Variants in TRAPPC9 observed in about 807,000 individuals in gnomAD.
The protein encoded by TRAPPC9 is IKK2 binding protein.
Under a neutral mutation model 124.0 loss-of-function variants are expected in TRAPPC9, and 83 were observed. The observed-to-expected ratio is 0.67, with a 90% CI of 0.56 to 0.80. The LOEUF (loss-of-function observed/expected upper bound fraction) is 0.80, where lower values mean the gene tolerates loss of function less well. Ranked by LOEUF, TRAPPC9 falls within the 30% of genes least tolerant of loss-of-function variation. TRAPPC9 has a pLI of 0.00. For missense variants in TRAPPC9, 1,302 were observed against 1,508.3 expected (o/e 0.86, Z 2.27); for synonymous variants, 638 against 617.5 (o/e 1.03, Z -0.49).
At chr8:139,857,807 A>C (rs555384393) in intron 21 of TRAPPC9, among the ~76,000 whole-genome samples, 5 of 152,342 alleles carry the variant, frequency 3.3e-5, no homozygotes, top group Admixed American at 1.3e-4. Flanking sequence ...AACTAGCCCC[A>C]AAAAAGGTGC....
At chr8:140,406,526 C>T (rs181064279) in intron 5 of TRAPPC9, among the ~76,000 whole-genome samples, 1 of 152,304 alleles carries the variant, frequency 6.6e-6, no homozygotes, top group Admixed American at 6.5e-5. Context: ...TGCCCTCATC[C>T]CCTGTGCAGC....
intron 19 of TRAPPC9, among the ~76,000 whole-genome samples, chr8:139,949,985 C>A (rs770730083): frequency 6.6e-6 from 1 of 152,174 alleles, no homozygotes; most frequent in Non-Finnish European, 1.5e-5. Flanking sequence ...AATAACTCTG[C>A]CCCACCTTCA....
Position 140,104,464 on chromosome 8 carries a change from G to C in TRAPPC9, c.2557-80385C>G, listed in dbSNP as rs907244684. On this transcript the variant is annotated intron_variant, in intron 17 of 22. Coordinates refer to ENST00000438773, the MANE Select transcript of TRAPPC9 (RefSeq NM_001160372.4). This position sits in a 1 kb window ranked among gnomAD's most constrained non-coding sequence, Gnocchi z 4.0. ...GCCCGTGCGATAGTTGGATATCTAA[G>C]TGGGCACTCATGATCTTAGACAAAT... Among the ~76,000 whole-genome samples, 1 of 152,182 alleles carries C rather than the reference G, an allele frequency of 6.6e-6. No individual in the cohort carries two copies. Among genetic ancestry groups the C allele is most frequent in the East Asian group, 1.9e-4 (1 of 5,200 alleles).
At chr8:140,455,115 C>T (rs1284450879) in intron 1 of TRAPPC9, among the ~76,000 whole-genome samples, 2 of 152,110 alleles carry the variant, frequency 1.3e-5, no homozygotes, top group African/African-American at 4.8e-5. Context: ...GAAACATGTA[C>T]AGGAATGTAC....
At chr8:140,086,462 C>T (rs1844189114) in intron 17 of TRAPPC9, among the ~76,000 whole-genome samples, 2 of 152,186 alleles carry the variant, frequency 1.3e-5, no homozygotes, top group Non-Finnish European at 2.9e-5. Context: ...GCAGCCTCCC[C>T]ATGGCTCTCA....
chr8:139,875,934 TGGGCAAGCCCAGCTGCCAGGGTGGCCTG>T lies in TRAPPC9; in HGVS notation c.3055+9917_3055+9944del, dbSNP rs747378683. Among the ~76,000 whole-genome samples, 90 of 152,264 alleles carry T rather than the reference TGGGCAAGCCCAGCTGCCAGGGTGGCCTG, an allele frequency of 5.9e-4. 1 individual carries two copies. The highest frequency in any genetic ancestry group is 8.7e-4 in the Non-Finnish European group (59 of 68,010). ...ACCTGGGAAGGAGGCAGAGGGCCGG[TGGGCAAGCCCAGCTGCCAGGGTGGCCTG>T]GGGCACCCACTGCCACCATCGGTGC... On this transcript the variant is annotated intron_variant, in intron 21 of 22. Coordinates refer to ENST00000438773, the MANE Select transcript of TRAPPC9 (RefSeq NM_001160372.4).
chr8:139,775,532 C>T (rs570371333), intron 21 of TRAPPC9, among the ~76,000 whole-genome samples: 62 of 152,332 alleles, frequency 4.1e-4, no homozygotes, highest in African/African-American at 1.3e-3. Context: ...GTCAAGGGGC[C>T]GAGGCCACAT....
chr8:140,298,742 G>A (rs1487097751), intron 11 of TRAPPC9, among the ~76,000 whole-genome samples: 1 of 152,208 alleles, frequency 6.6e-6, no homozygotes, highest in East Asian at 1.9e-4. Context: ...AACATGAAAT[G>A]TACAGTGAGA....
intron 9 of TRAPPC9, among the ~76,000 whole-genome samples, chr8:140,330,141 C>T (rs1252624923): frequency 1.3e-5 from 2 of 149,714 alleles, no homozygotes; most frequent in Admixed American, 1.3e-4. Context: ...CAGTTTGTCA[C>T]TTTGCCACCG....
intron 7 of TRAPPC9, among the ~76,000 whole-genome samples, chr8:140,374,502 G>A (rs756330815): frequency 6.6e-5 from 10 of 152,022 alleles, no homozygotes; most frequent in African/African-American, 1.2e-4. Flanking sequence ...CCCAGGAGGC[G>A]GAGGTTGCAG....
At chr8:140,369,600 C>T (rs1200922027) in intron 8 of TRAPPC9, among the ~76,000 whole-genome samples, 1 of 152,124 alleles carries the variant, frequency 6.6e-6, no homozygotes, top group East Asian at 1.9e-4. Context: ...ATCATAAAGC[C>T]ATGAGCACCT....
chr8:139,841,524 C>T (rs1826728455), intron 21 of TRAPPC9, among the ~76,000 whole-genome samples: 1 of 152,238 alleles, frequency 6.6e-6, no homozygotes, highest in South Asian at 2.1e-4. Flanking sequence ...ACGGAAATGA[C>T]TGTGCTCATG....
chr8:140,108,574 C>T (rs1007091966), intron 17 of TRAPPC9, among the ~76,000 whole-genome samples: 1 of 152,212 alleles, frequency 6.6e-6, no homozygotes, highest in Non-Finnish European at 1.5e-5. Flanking sequence ...CACAGGCCTC[C>T]CAGGTGTGTA....
intron 15 of TRAPPC9, among the ~76,000 whole-genome samples, chr8:140,275,295 A>G (rs576503662): frequency 6.6e-6 from 1 of 152,138 alleles, no homozygotes; most frequent in Non-Finnish European, 1.5e-5. Flanking sequence ...TCCCAAACAG[A>G]CTCTTTCCAG....
At chr8:139,769,486 A>C (rs1240606237) in intron 21 of TRAPPC9, among the ~76,000 whole-genome samples, 2 of 152,214 alleles carry the variant, frequency 1.3e-5, no homozygotes, top group Non-Finnish European at 2.9e-5. Flanking sequence ...AGCACTGCAC[A>C]ATTTAAAACC....
chr8:140,208,291 G>A (rs778250001), intron 17 of TRAPPC9, among the ~76,000 whole-genome samples: 8 of 152,132 alleles, frequency 5.3e-5, no homozygotes, highest in African/African-American at 7.2e-5. Context: ...GAGACACACC[G>A]GAAGTGTCCG....
At chr8:139,998,050 C>T (rs1838155502) in intron 18 of TRAPPC9, among the ~76,000 whole-genome samples, 1 of 151,884 alleles carries the variant, frequency 6.6e-6, no homozygotes, top group Admixed American at 6.5e-5. Flanking sequence ...GTAGACAATG[C>T]ATCCTACACA....
chr8:139,834,200 G>A (rs542291796), intron 21 of TRAPPC9, among the ~76,000 whole-genome samples: 1 of 152,324 alleles, frequency 6.6e-6, no homozygotes, highest in East Asian at 1.9e-4. Context: ...CTGCTTGCTG[G>A]TGGTGTGGTT....
chr8:140,405,785 T>C, intron 5 of TRAPPC9, 87 bp from the exon 6 acceptor site: 1 of 1,463,552 alleles, frequency 6.8e-7, no homozygotes, highest in South Asian at 1.2e-5. Flanking sequence ...AAGACAAAAC[T>C]TAAATATGCC....
Sources: allele counts gnomAD v4.1 joint callset (sites outside exome capture counted in the v4.1 genomes callset), GRCh38; gene constraint gnomAD v4.1.1; non-coding constraint Gnocchi (gnomAD v3.1); transcripts MANE v1.5; gene names NCBI Gene and HGNC (gene_info 2026-07-23, HGNC 2026-07-21).